TSC2: variants seen among roughly 807,000 people sequenced by gnomAD.
TSC2 encodes the protein tuberin.
TSC2 carries 29 observed loss-of-function variants against 202.2 expected under a neutral mutation model. The ratio of observed to expected loss-of-function variants is 0.14; its 90% CI spans 0.11 to 0.20. The LOEUF is 0.20. Ranked by LOEUF, TSC2 falls within the 10% of genes least tolerant of loss-of-function variation. The pLI is 1.00. For synonymous variants in TSC2, 1,349 were observed against 1,044.0 expected (o/e 1.29, Z -5.63); for missense variants, 2,429 against 2,420.0 (o/e 1.00, Z -0.08).
chr16:2,082,761 G>C, intron 32 of TSC2: 1 of 583,494 alleles, frequency 1.7e-6, no homozygotes, highest in Non-Finnish European at 3.1e-6. Context: ...AGGCCTGAGG[G>C]GTGGGGGTGG....
chr16:2,063,215 C>A, intron 14 of TSC2, 162 bp downstream of exon 14: 11 of 851,108 alleles, frequency 1.3e-5, no homozygotes, highest in Non-Finnish European at 2.1e-5. Context: ...CCTGTTCATT[C>A]ACTGGCTTGC....
rs749870079 is a variant in TSC2 at position 2,081,650 on chromosome 16, C to T, written c.3666C>T (p.Asp1222=). ...ACCCGCTCAGCCCTTTCTCCTCGGA[C>T]ATCAACAACATGCCCCTGCAGGAGC... ...LENPLSPFSS[D]INNMPLQELS... is the part of the protein sequence containing the mutation. The change falls in exon 31 of 42, where the codon GAC becomes GAT. Residue 1222 remains aspartate (D), a synonymous_variant. Coordinates refer to ENST00000219476, the MANE Select transcript of TSC2 (RefSeq NM_000548.5). 9.3e-6 allele frequency: 15 copies of T among 1,612,844 alleles called. No homozygotes were observed. In the African/African-American group the frequency reaches 9.3e-5, roughly 10 times the overall value.
At chr16:2,058,621 C>T in intron 9 of TSC2, 126 bp from the exon 10 acceptor site, 1 of 1,427,630 alleles carries the variant, frequency 7.0e-7, no homozygotes, top group Non-Finnish European at 9.5e-7. Context: ...CCCAGCGGTG[C>T]TCCTGCCCCC....
Position 2,063,017 on chromosome 16 carries a change from G to A in TSC2, c.1407G>A (p.Leu469=), listed in dbSNP as rs1458720483. 11 of 1,551,410 alleles carry A rather than the reference G, an allele frequency of 7.1e-6. No individual in the cohort carries two copies. Among genetic ancestry groups the A allele is most frequent in the Non-Finnish European group, 8.7e-7 (1 of 1,146,938 alleles). ...GAVRIKVLDV[L]SFVLLINRQF... The stretch of plus-strand genomic sequence containing the variant: ...TGCGCATCAAGGTGCTGGACGTGCT[G>A]TCCTTTGTGCTGCTCATCAACAGGC... Residue 469 remains leucine (L), a synonymous_variant, in exon 14 of 42, where the codon CTG becomes CTA. Coordinates refer to ENST00000219476, the MANE Select transcript of TSC2 (RefSeq NM_000548.5).
intron 13 of TSC2, 183 bp from the exon 14 acceptor site, chr16:2,062,789 C>T (rs2086799461): frequency 1.1e-6 from 1 of 880,778 alleles, no homozygotes; most frequent in Admixed American, 2.1e-5. Flanking sequence ...TCTCATGACG[C>T]CACTGGGCTC....
At chr16:2,051,022 C>A (rs1387586542) in intron 3 of TSC2, among the ~76,000 whole-genome samples, 1 of 152,106 alleles carries the variant, frequency 6.6e-6, no homozygotes, top group Non-Finnish European at 1.5e-5. Flanking sequence ...TCTAGCAACA[C>A]CAGAAAGGAT....
At position 2,053,343 on chromosome 16, in the gene TSC2, A is replaced by G. The variant is rs2151025932; in HGVS notation, c.227A>G (p.His76Arg). The G allele has an allele frequency of 6.3e-7, 1 of 1,580,076 alleles. No individual in the cohort carries two copies. The highest frequency in any genetic ancestry group is 8.6e-7 in the Non-Finnish European group (1 of 1,164,094). The part of the protein sequence containing the change: ...EVAKTKKFEE[H>R]AVEALWKAVA... ...CGCTGTCCCCTCTGCTGGTGACAGCACGCAGTGGAAGCACTCTGGAAGGCG... is the reference window on the plus strand; with the variant it reads ...CGCTGTCCCCTCTGCTGGTGACAGCGCGCAGTGGAAGCACTCTGGAAGGCG... Residue 76 changes from histidine (H) to arginine (R), a missense_variant and splice_region_variant, in exon 4 of 42, where the codon CAC becomes CGC. Transcript: ENST00000219476.
chr16:2,080,679 T>G, intron 30 of TSC2: 1 of 389,458 alleles, frequency 2.6e-6, no homozygotes, highest in South Asian at 2.4e-5. Flanking sequence ...AGAGATGGGG[T>G]TTCACTGTGT....
rs45517374 is a variant in TSC2, at chr16:2,086,397, C to G, written c.4849+18C>G. On this transcript the variant is annotated intron_variant, in intron 37 of 41. Transcript: ENST00000219476. ...CATGCAAGGTACGGCCTGGCGCCTA[C>G]CCGCTCCTGCTGCCCCAGGCCTCAG... 1 of 1,609,554 alleles carries G rather than the reference C, an allele frequency of 6.2e-7. No individual in the cohort carries two copies. Among genetic ancestry groups the G allele is most frequent in the Non-Finnish European group, 8.5e-7 (1 of 1,178,642 alleles).
chr16:2,056,161 A>T, intron 6 of TSC2, 35 bp from the exon 7 acceptor site: 2 of 1,613,070 alleles, frequency 1.2e-6, no homozygotes, highest in South Asian at 1.1e-5. Flanking sequence ...CCATCCAGGC[A>T]GTGCTGCCGG....
chr16:2,073,197 G>T lies in TSC2; in HGVS notation c.2355+214G>T, dbSNP rs117996133. Among the ~76,000 whole-genome samples the T allele has an allele frequency of 0.024, 3,650 of 152,338 alleles. 64 individuals carry two copies. The highest frequency in any genetic ancestry group is 0.039 in the Non-Finnish European group (2,665 of 68,024). On this transcript the variant is annotated intron_variant, in intron 21 of 41. Transcript: ENST00000219476. ...CTCTTTGGGGCCTGGGAGCCATCCA[G>T]TGTTCCCTGTCCACCCCGGACAGCA... is the stretch of plus-strand genomic sequence containing the variant.
chr16:2,072,857 C>T lies in TSC2; in HGVS notation c.2229C>T (p.Gly743=), dbSNP rs1322227597. The change falls in exon 21 of 42, where the codon GGC becomes GGT. Residue 743 remains glycine (G), a synonymous_variant. Transcript: ENST00000219476. ...CTGGATTTGGTCATCAGCTTTCAGG[C>T]CCAAAGACACTGGAGCGGCTCCGAG... ...LCSALCSMLS[G]PKTLERLRGA... is the part of the protein sequence containing the mutation. 6.2e-7 allele frequency: 1 copy of T among 1,613,628 alleles called. No homozygotes were observed. The highest frequency in any genetic ancestry group is 8.5e-7 in the Non-Finnish European group (1 of 1,180,030).
rs758839898 is a variant in TSC2, at chr16:2,070,575, G to A, written c.1836G>A (p.Leu612=). The A allele has an allele frequency of 1.2e-6, 2 of 1,613,106 alleles. No individual in the cohort carries two copies. Among genetic ancestry groups the A allele is most frequent in the Non-Finnish European group, 1.7e-6 (2 of 1,180,044 alleles). The change falls in exon 17 of 42, where the codon CTG becomes CTA. Residue 612 remains leucine, a synonymous_variant. Coordinates refer to ENST00000219476, the MANE Select transcript of TSC2 (RefSeq NM_000548.5). ...TGCCAATCGCGAGCAGCATCCGGCT[G>A]CAGGTATGGTGGCTGGGGTTGCGCA... The part of the protein sequence containing the change: ...YTLPIASSIR[L]QAFDFLLLLR...
intron 4 of TSC2, 156 bp from the exon 5 acceptor site, chr16:2,054,140 A>G (rs2085478909): frequency 5.8e-6 from 7 of 1,208,956 alleles, no homozygotes; most frequent in African/African-American, 1.5e-5. Flanking sequence ...GCCCTGTACA[A>G]TGCTGATGCT....
chr16:2,062,857 G>A, intron 13 of TSC2, 115 bp from the exon 14 acceptor site: 1 of 1,208,304 alleles, frequency 8.3e-7, no homozygotes, highest in South Asian at 1.3e-5. Context: ...TCTGTGCCCT[G>A]TGTGCCTGGC....
chr16:2,055,441 C>A lies in TSC2; in HGVS notation c.521C>A (p.Ser174Ter), dbSNP rs747538587. 1 of 1,614,194 alleles carries A rather than the reference C, an allele frequency of 6.2e-7. No homozygotes were observed. Among genetic ancestry groups the A allele is most frequent in the Non-Finnish European group, 8.5e-7 (1 of 1,180,042 alleles). Residue 174 changes from serine (S) to a stop codon, truncating the protein, a stop_gained, in exon 6 of 42, where the codon TCG becomes TAG. Coordinates refer to ENST00000219476, the MANE Select transcript of TSC2 (RefSeq NM_000548.5). LOFTEE classifies it high-confidence loss of function. ...CAGTGGATGGATGTTGGCTTGTCCTCGGAATTCCTTCTGGTGCTGGTGAAC... is the reference window on the plus strand; with the variant it reads ...CAGTGGATGGATGTTGGCTTGTCCTAGGAATTCCTTCTGGTGCTGGTGAAC... ...VLQWMDVGLS[S>*]EFLLVLVNLV...
Position 2,077,669 on chromosome 16 carries a change from C to T in TSC2, c.2909C>T (p.Ser970Phe), listed in dbSNP as rs758447107. ...CCCGTGAAAGAATTCAAGGAGAGCT[C>T]TGCAGCCGAGGCCTTCCGGTGCCGC... The part of the protein sequence containing the change: ...SPPVKEFKES[S>F]AAEAFRCRSI... Residue 970 changes from serine (S) to phenylalanine (F), a missense_variant, in exon 26 of 42, where the codon TCT (serine) becomes TTT (phenylalanine). Physicochemically the swap from Ser to Phe is radical, Grantham distance 155. Coordinates refer to ENST00000219476, the MANE Select transcript of TSC2 (RefSeq NM_000548.5). 1 of 1,613,130 alleles carries T rather than the reference C, an allele frequency of 6.2e-7. No individual in the cohort carries two copies. The highest frequency in any genetic ancestry group is 1.7e-5 in the Admixed American group (1 of 60,032).
intron 5 of TSC2, 70 bp from the exon 6 acceptor site, chr16:2,055,332 G>A (rs1272440248): frequency 7.5e-6 from 9 of 1,195,308 alleles, no homozygotes; most frequent in South Asian, 3.6e-5. Context: ...ACTGTCCTGC[G>A]GCGGGAGGGG....
At position 2,072,115 on chromosome 16, in the gene TSC2, C is replaced by G. The variant is rs541727879; in HGVS notation, c.2098-126C>G. 5.9e-5 allele frequency: 92 copies of G among 1,560,996 alleles called. 1 individual carries two copies. In the South Asian group the frequency reaches 9.5e-4, roughly 16 times the overall value. On this transcript the variant is annotated intron_variant, in intron 19 of 41. Coordinates refer to ENST00000219476, the MANE Select transcript of TSC2 (RefSeq NM_000548.5). ...AGAGGCCTGCGCTGGGCAGGCTCCC[C>G]CGGCTGAGAACAGGGCTCCATAGCC...
Sources: allele counts gnomAD v4.1 joint callset (sites outside exome capture counted in the v4.1 genomes callset), GRCh38; gene constraint gnomAD v4.1.1; transcripts MANE v1.5; gene names NCBI Gene and HGNC (gene_info 2026-07-23, HGNC 2026-07-21).